Variants in RNF2 observed in about 807,000 individuals in gnomAD.
RNF2 encodes E3 ubiquitin-protein ligase RING2.
In RNF2, 6 loss-of-function variants were observed where a neutral mutation model predicts 37.2. The observed-to-expected ratio is 0.16, with a 90% CI of 0.09 to 0.32. The LOEUF (loss-of-function observed/expected upper bound fraction) is 0.32, where lower values mean the gene tolerates loss of function less well. Among genes scored for constraint, RNF2 ranks in the 10% least tolerant of loss-of-function variants. The pLI is 1.00. For synonymous variants in RNF2, 133 were observed against 132.7 expected, an observed-to-expected ratio of 1.00 and a Z score of -0.02; for missense variants, 251 against 404.0, an observed-to-expected ratio of 0.62 and a Z score of 3.25.
At chr1:185,058,650 T>G (rs892323541) in intron 1 of RNF2, among the ~76,000 whole-genome samples, 1 of 152,254 alleles carries the variant, frequency 6.6e-6, no homozygotes, top group African/African-American at 2.4e-5. Flanking sequence ...CTTTAACTAC[T>G]TAAGTTTTTC....
chr1:185,094,712 A>G (rs1651864429), intron 4 of RNF2, among the ~76,000 whole-genome samples: 1 of 152,174 alleles, frequency 6.6e-6, no homozygotes, highest in Non-Finnish European at 1.5e-5. Flanking sequence ...TTCTATTCAC[A>G]TTCAGGCTAA....
chr1:185,076,268 G>GTTGTTTT (rs1651152431), intron 1 of RNF2, among the ~76,000 whole-genome samples: 1 of 27,334 alleles, frequency 3.7e-5, no homozygotes, highest in African/African-American at 1.3e-4. Context: ...TTTATGGGTT[G>GTTGTTTT]TTTTTTTTTT....
intron 1 of RNF2, among the ~76,000 whole-genome samples, chr1:185,066,747 T>G (rs1650810058): frequency 6.6e-6 from 1 of 152,216 alleles, no homozygotes; most frequent in Non-Finnish European, 1.5e-5. Flanking sequence ...TAGTGTTGAC[T>G]CATATTAGAC....
In RNF2 at chr1:185,082,345, C is replaced by CTTTTTTTTTTTTTTTTTTTTTTTTTT. The variant is rs3036553; in HGVS notation, c.-2-5185_-2-5184insTTTTTTTTTTTTTTTTTTTTTTTTTT. On this transcript the variant is annotated intron_variant, in intron 1 of 6. Transcript: ENST00000367510. ...CAAGGTTCTTGTCTCCTCTGCAGAACTTTTTTTTTTTTTTTTTTTTTTGAA... is the reference window on the plus strand; with the variant it reads ...CAAGGTTCTTGTCTCCTCTGCAGAACTTTTTTTTTTTTTTTTTTTTTTTTTTTTTTTTTTTTTTTTTTTTTTTTGAA... Among the ~76,000 whole-genome samples the CTTTTTTTTTTTTTTTTTTTTTTTTTT allele has an allele frequency of 2.3e-3, 165 of 71,980 alleles. 29 individuals are homozygous for CTTTTTTTTTTTTTTTTTTTTTTTTTT. Among genetic ancestry groups the CTTTTTTTTTTTTTTTTTTTTTTTTTT allele is most frequent in the Middle Eastern group, 6.3e-3 (1 of 160 alleles). 47.2% of individuals were successfully genotyped at this position (71,980 alleles called of 152,430 possible).
intron 1 of RNF2, among the ~76,000 whole-genome samples, chr1:185,085,149 T>TTC (rs1362246607): frequency 4.2e-5 from 6 of 141,426 alleles, no homozygotes; most frequent in African/African-American, 1.6e-4. Context: ...CTTTTTCTTT[T>TTC]TTTTTTTTTT....
intron 1 of RNF2, among the ~76,000 whole-genome samples, chr1:185,066,479 A>T (rs963200949): frequency 6.6e-6 from 1 of 152,064 alleles, no homozygotes; most frequent in African/African-American, 2.4e-5. Flanking sequence ...TCCAGGAAAC[A>T]TTTTCTGATT....
intron 1 of RNF2, among the ~76,000 whole-genome samples, chr1:185,084,487 T>A (rs1179491382): frequency 6.6e-6 from 1 of 152,210 alleles, no homozygotes; most frequent in African/African-American, 2.4e-5. Context: ...TCAGATAGTT[T>A]GAGGGGTTTT....
At chr1:185,073,587 T>A (rs1017422668) in intron 1 of RNF2, among the ~76,000 whole-genome samples, 1 of 152,220 alleles carries the variant, frequency 6.6e-6, no homozygotes, top group Non-Finnish European at 1.5e-5. Context: ...GACACATAAA[T>A]GTGATTGTTT....
intron 2 of RNF2, 70 bp downstream of exon 2, chr1:185,087,710 A>C (rs766804825): frequency 1.8e-6 from 2 of 1,113,096 alleles, no homozygotes; most frequent in Non-Finnish European, 2.7e-6. Context: ...AGAACATGAA[A>C]ACTTAAATAG....
At chr1:185,066,775 A>G (rs1650810821) in intron 1 of RNF2, among the ~76,000 whole-genome samples, 1 of 152,166 alleles carries the variant, frequency 6.6e-6, no homozygotes, top group African/African-American at 2.4e-5. Flanking sequence ...GGTGTATCTT[A>G]AAACCTTAAA....
At chr1:185,091,804 G>T in intron 3 of RNF2, 65 bp downstream of exon 3, 1 of 1,392,506 alleles carries the variant, frequency 7.2e-7, no homozygotes, top group Non-Finnish European at 9.8e-7. Flanking sequence ...TCCAGGGTTT[G>T]AGAAATACAT....
Position 185,073,191 on chromosome 1 carries a change from T to C in RNF2, c.-2-14361T>C, listed in dbSNP as rs1300778597. Among the ~76,000 whole-genome samples the C allele has an allele frequency of 4.6e-5, 7 of 152,282 alleles. No individual in the cohort carries two copies. The East Asian group carries it at 1.4e-3, about 29-fold the overall frequency. ...ATTTTTTTATTGACATAGATTTTTA[T>C]GGGTTTTTTGCTACTACAAATAATG... On this transcript the variant is annotated intron_variant, in intron 1 of 6. Transcript: ENST00000367510.
chr1:185,055,109 T>G (rs1243449823), intron 1 of RNF2, among the ~76,000 whole-genome samples: 2 of 152,232 alleles, frequency 1.3e-5, no homozygotes, highest in Non-Finnish European at 2.9e-5. Context: ...TTTAAATGAC[T>G]AGGGCTTTAG....
chr1:185,066,534 A>G (rs1414909970), intron 1 of RNF2, among the ~76,000 whole-genome samples: 1 of 152,214 alleles, frequency 6.6e-6, no homozygotes, highest in South Asian at 2.1e-4. Flanking sequence ...CTTAGCATTT[A>G]TCAAATCATA....
At chr1:185,052,011 A>G (rs1188404605) in intron 1 of RNF2, among the ~76,000 whole-genome samples, 2 of 151,734 alleles carry the variant, frequency 1.3e-5, no homozygotes, top group African/African-American at 4.8e-5. Flanking sequence ...GAAGTGGAAC[A>G]TTCTATTACC....
intron 1 of RNF2, among the ~76,000 whole-genome samples, chr1:185,054,742 G>T (rs1003272474): frequency 1.3e-5 from 2 of 152,154 alleles, no homozygotes; most frequent in Non-Finnish European, 2.9e-5. Flanking sequence ...CTTTCGCCGG[G>T]GTTGGAGTGC....
Position 185,099,658 on chromosome 1 carries a change from A to G in RNF2, c.738-133A>G, listed in dbSNP as rs527876122. On this transcript the variant is annotated intron_variant, in intron 5 of 6. Coordinates refer to ENST00000367510, the MANE Select transcript of RNF2 (RefSeq NM_007212.4). The stretch of plus-strand genomic sequence containing the variant: ...TAGATTGTAGAGCAGTAAATTTCTG[A>G]TATTATTTTGTCAATAATTGAGACA... 6.6e-5 allele frequency: 48 copies of G among 727,278 alleles called. No individual in the cohort carries two copies. The African/African-American group carries it at 7.9e-4, about 12-fold the overall frequency. 45.1% of individuals were successfully genotyped at this position (727,278 alleles called of 1,614,324 possible).
intron 1 of RNF2, among the ~76,000 whole-genome samples, chr1:185,085,364 C>G (rs1464919021): frequency 2.0e-5 from 3 of 151,772 alleles, no homozygotes; most frequent in African/African-American, 7.3e-5. Context: ...TCTCGATCTC[C>G]TGACTTCATG....
At chr1:185,073,428 T>C (rs186055574) in intron 1 of RNF2, among the ~76,000 whole-genome samples, 38 of 152,330 alleles carry the variant, frequency 2.5e-4, no homozygotes, top group Admixed American at 1.6e-3. Context: ...GTGACTGTTA[T>C]TCTTTTATTC....
Sources: allele counts gnomAD v4.1 joint callset (sites outside exome capture counted in the v4.1 genomes callset), GRCh38; gene constraint gnomAD v4.1.1; transcripts MANE v1.5; gene names NCBI Gene and HGNC (gene_info 2026-07-23, HGNC 2026-07-21).